The following SCARA5 variants were observed in gnomAD, a reference collection of about 807,000 sequenced individuals.
The protein encoded by SCARA5 is scavenger receptor class A member 5.
Under a neutral mutation model 46.3 loss-of-function variants are expected in SCARA5, and 45 were observed. That is an observed-to-expected ratio of 0.97 (90% CI 0.76 to 1.24). The LOEUF is 1.24. SCARA5 is among the 50% of genes most tolerant of loss of function. The pLI is 0.00. For synonymous variants in SCARA5, 333 were observed against 306.5 expected (o/e 1.09, Z -0.90); for missense variants, 680 against 689.0 (o/e 0.99, Z 0.15).
chr8:27,904,722 G>T, intron 7 of SCARA5, 56 bp downstream of exon 7: 1 of 1,485,222 alleles, frequency 6.7e-7, no homozygotes, highest in Non-Finnish European at 9.4e-7. Context: ...GCTGCTTGGG[G>T]GACAGCTAGC....
At chr8:27,897,099 A>T (rs201524724) in intron 7 of SCARA5, among the ~76,000 whole-genome samples, 13,180 of 151,608 alleles carry the variant, frequency 0.087, 979 homozygotes, top group East Asian at 0.2. Context: ...CTCAAAAAAA[A>T]AAGAAAAAGA....
At chr8:27,983,140 G>A (rs1294283680) in intron 2 of SCARA5, among the ~76,000 whole-genome samples, 2 of 152,160 alleles carry the variant, frequency 1.3e-5, no homozygotes, top group Non-Finnish European at 2.9e-5. Flanking sequence ...ACCTGCCCAA[G>A]CCCATAAAAG....
rs117823838 is a variant in SCARA5, at chr8:27,882,953, A to G, written c.1154-3187T>C. Among the ~76,000 whole-genome samples the G allele has an allele frequency of 6.6e-5, 10 of 151,264 alleles. No individual in the cohort carries two copies. The East Asian group carries it at 1.6e-3, about 24-fold the overall frequency. On this transcript the variant is annotated intron_variant, in intron 7 of 8. Transcript: ENST00000354914. ...CAACCTCTCTAAAGGCATTTCCCCA[A>G]CTGCGACATGGGAACAACATCTACA...
intron 7 of SCARA5, among the ~76,000 whole-genome samples, chr8:27,902,320 ACGCCTCCCCACC>A (rs1372678375): frequency 6.6e-6 from 1 of 151,518 alleles, no homozygotes; most frequent in Non-Finnish European, 1.5e-5. Context: ...GCCTCCCCCC[ACGCCTCCCCACC>A]CATCCCCAGG....
At chr8:27,896,789 G>A (rs913067044) in intron 7 of SCARA5, among the ~76,000 whole-genome samples, 4 of 152,082 alleles carry the variant, frequency 2.6e-5, no homozygotes, top group Non-Finnish European at 2.9e-5. Context: ...TCAACAAACG[G>A]CTCCCTAAAG....
At chr8:27,934,516 C>T (rs1807825217) in intron 3 of SCARA5, among the ~76,000 whole-genome samples, 1 of 152,186 alleles carries the variant, frequency 6.6e-6, no homozygotes, top group Non-Finnish European at 1.5e-5. Flanking sequence ...TTTCCATTCT[C>T]CAGCAGCCCT....
chr8:27,949,132 G>C (rs572423376), intron 3 of SCARA5, among the ~76,000 whole-genome samples: 1 of 152,324 alleles, frequency 6.6e-6, no homozygotes, highest in Non-Finnish European at 1.5e-5. Context: ...AGCTTCAGGG[G>C]ACCTGAGGCC....
In SCARA5 at chr8:27,870,327, G is replaced by T. The variant is rs1312568988; in HGVS notation, c.*1607C>A. 6.6e-6 allele frequency: 1 copy of T among 151,974 alleles called. No individual in the cohort carries two copies. Among genetic ancestry groups the T allele is most frequent in the African/African-American group, 2.4e-5 (1 of 41,164 alleles). 9.4% of individuals were successfully genotyped at this position (151,974 alleles called of 1,614,324 possible). On this transcript the variant is annotated 3_prime_UTR_variant, in exon 9 of 9. Transcript: ENST00000354914. ...ACATATATGGGCTCTGGCAAGGGAT[G>T]CATGAGTACATGCGTGTTATGTAAA...
At chr8:27,873,382 A>G (rs1226126740) in intron 8 of SCARA5, among the ~76,000 whole-genome samples, 1 of 152,190 alleles carries the variant, frequency 6.6e-6, no homozygotes, top group African/African-American at 2.4e-5. Context: ...AAGCTAAGCC[A>G]TCATATCCCC....
At chr8:27,874,440 G>A (rs1310729423) in intron 8 of SCARA5, among the ~76,000 whole-genome samples, 1 of 152,168 alleles carries the variant, frequency 6.6e-6, no homozygotes, top group Non-Finnish European at 1.5e-5. Context: ...GCCAGAGGAC[G>A]GCAAACCGTG....
chr8:27,878,366 G>A (rs1015812882), intron 8 of SCARA5, among the ~76,000 whole-genome samples: 1 of 152,192 alleles, frequency 6.6e-6, no homozygotes, highest in African/African-American at 2.4e-5. Flanking sequence ...ACTACTGAAT[G>A]GGTGTGGGGA....
At chr8:27,958,434 C>T (rs2129918784) in intron 3 of SCARA5, among the ~76,000 whole-genome samples, 1 of 152,272 alleles carries the variant, frequency 6.6e-6, no homozygotes, top group East Asian at 1.9e-4. Flanking sequence ...CAGTCTGAGT[C>T]TAAGGAAGAG....
intron 4 of SCARA5, 59 bp from the exon 5 acceptor site, chr8:27,909,802 C>T: frequency 8.2e-7 from 1 of 1,220,396 alleles, no homozygotes; most frequent in South Asian, 1.3e-5. Flanking sequence ...AGGACCAGGT[C>T]ATCTGTAGAG....
intron 6 of SCARA5, among the ~76,000 whole-genome samples, 170 bp from the exon 7 acceptor site, chr8:27,905,004 C>A (rs1469926924): frequency 1.3e-5 from 2 of 152,172 alleles, no homozygotes; most frequent in Non-Finnish European, 2.9e-5. Flanking sequence ...ATTCTGCCAT[C>A]TGCCCTGGGT....
At chr8:27,984,787 C>T (rs1008640612) in intron 2 of SCARA5, among the ~76,000 whole-genome samples, 6 of 152,090 alleles carry the variant, frequency 3.9e-5, no homozygotes, top group African/African-American at 1.2e-4. Flanking sequence ...ATTCATCCAT[C>T]CATTCACCCA....
At chr8:27,944,135 C>G (rs969660595) in intron 3 of SCARA5, among the ~76,000 whole-genome samples, 1 of 152,106 alleles carries the variant, frequency 6.6e-6, no homozygotes, top group Non-Finnish European at 1.5e-5. Flanking sequence ...TCATGAAATA[C>G]AGTGAAAGGC....
Position 27,876,882 on chromosome 8 carries a change from C to A in SCARA5, c.1351+2687G>T, listed in dbSNP as rs557737392. 3.9e-5 allele frequency among the ~76,000 whole-genome samples: 6 copies of A among 152,242 alleles called. No individual in the cohort carries two copies. The South Asian group carries it at 1.2e-3, about 32-fold the overall frequency. On this transcript the variant is annotated intron_variant, in intron 8 of 8. Transcript: ENST00000354914. ...TGGGAGGCTCCTTCAGGCTCAACAG[C>A]AGACGAGCTGGGAGTGGGGTTGGGG... is the stretch of plus-strand genomic sequence containing the variant.
chr8:27,891,210 G>GTTTT (rs34929949), intron 7 of SCARA5, among the ~76,000 whole-genome samples: 2 of 66,014 alleles, frequency 3.0e-5, no homozygotes, highest in Non-Finnish European at 8.6e-5. Flanking sequence ...TTTTTTTTTT[G>GTTTT]TTTTTTTTTT....
At position 27,879,672 on chromosome 8, in the gene SCARA5, G is replaced by A. The variant is rs376007799; in HGVS notation, c.1248C>T (p.Thr416=). ...VEVYHDRRWG[T]VCDDGWDKKD... is the part of the protein sequence containing the mutation. ...TCTTGTCCCAGCCGTCGTCACACACGGTGCCCCAACGCCGGTCGTGGTACA... is the reference window on the plus strand; with the variant it reads ...TCTTGTCCCAGCCGTCGTCACACACAGTGCCCCAACGCCGGTCGTGGTACA... The change falls in exon 8 of 9, where the codon ACC becomes ACT. Residue 416 remains threonine (T), a synonymous_variant. Coordinates refer to ENST00000354914, the MANE Select transcript of SCARA5 (RefSeq NM_173833.6). 5 of 1,612,910 alleles carry A rather than the reference G, an allele frequency of 3.1e-6. No homozygotes were observed. The highest frequency in any genetic ancestry group is 2.2e-5 in the South Asian group (2 of 91,086).
Sources: allele counts gnomAD v4.1 joint callset (sites outside exome capture counted in the v4.1 genomes callset), GRCh38; gene constraint gnomAD v4.1.1; transcripts MANE v1.5; gene names NCBI Gene and HGNC (gene_info 2026-07-23, HGNC 2026-07-21).